Variants in UNC79 observed in about 807,000 individuals in gnomAD.
The protein encoded by UNC79 is protein unc-79 homolog.
A neutral mutation model predicts 283.1 loss-of-function variants in UNC79; 37 were observed. The ratio of observed to expected loss-of-function variants is 0.13; its 90% CI spans 0.10 to 0.17. UNC79 has a LOEUF of 0.17. UNC79 is among the 10% of genes least tolerant of loss of function. The probability of loss-of-function intolerance (pLI) is 1.00; values close to 1 mark genes in which losing one functional copy is unlikely to be tolerated. For missense variants in UNC79, 2,272 were observed against 3,211.1 expected (o/e 0.71, Z 7.07); for synonymous variants, 1,107 against 1,200.2 (o/e 0.92, Z 1.61).
At chr14:93,667,654 GA>G (rs2072364576) in intron 40 of UNC79, among the ~76,000 whole-genome samples, 1 of 151,804 alleles carries the variant, frequency 6.6e-6, no homozygotes, top group Non-Finnish European at 1.5e-5. Flanking sequence ...TAATAGAATA[GA>G]AAAAAAGGAA....
chr14:93,407,515 A>G (rs2055250462), intron 1 of UNC79, among the ~76,000 whole-genome samples: 1 of 152,136 alleles, frequency 6.6e-6, no homozygotes, highest in African/African-American at 2.4e-5. Flanking sequence ...GCTGAGAAAA[A>G]TCTCATGCCT....
At chr14:93,700,926 G>A (rs776690332) in intron 47 of UNC79, among the ~76,000 whole-genome samples, 1 of 152,140 alleles carries the variant, frequency 6.6e-6, no homozygotes, top group Admixed American at 6.6e-5. Flanking sequence ...CCAGTGTTGG[G>A]TAGTTTTTAT....
chr14:93,690,400 T>A lies in UNC79; in HGVS notation c.7272+97T>A. On this transcript the variant is annotated intron_variant, in intron 45 of 48. Transcript: ENST00000555664. This position sits in a 1 kb window ranked among gnomAD's most constrained non-coding sequence, Gnocchi z 4.3. ...TTTCTTCTGAGAAGAAAATACATCT[T>A]ATCATTTGCCCTCCTGTGGATGTTA... 1 of 1,381,428 alleles carries A rather than the reference T, an allele frequency of 7.2e-7. No homozygotes were observed. The highest frequency in any genetic ancestry group is 1.4e-5 in the South Asian group (1 of 70,506). 85.6% of individuals were successfully genotyped at this position (1,381,428 alleles called of 1,614,324 possible).
intron 41 of UNC79, among the ~76,000 whole-genome samples, chr14:93,673,680 T>G (rs2073086400): frequency 6.6e-6 from 1 of 152,074 alleles, no homozygotes; most frequent in South Asian, 2.1e-4. Flanking sequence ...GTGGAATTAG[T>G]TCTGTGGGGG....
At chr14:93,580,773 A>G (rs2063750334) in intron 19 of UNC79, among the ~76,000 whole-genome samples, 1 of 152,098 alleles carries the variant, frequency 6.6e-6, no homozygotes, top group Non-Finnish European at 1.5e-5. Flanking sequence ...TAGCTTGATC[A>G]TGGCTCACTG....
intron 5 of UNC79, among the ~76,000 whole-genome samples, chr14:93,489,757 C>G (rs1289725710): frequency 6.6e-6 from 1 of 152,210 alleles, no homozygotes; most frequent in Non-Finnish European, 1.5e-5. Context: ...GTTGGGCCCC[C>G]AAGACCCTGC....
intron 14 of UNC79, among the ~76,000 whole-genome samples, chr14:93,561,533 G>A (rs2062553172): frequency 6.6e-6 from 1 of 152,066 alleles, no homozygotes; most frequent in Admixed American, 6.6e-5. Flanking sequence ...GGAGGAAAGG[G>A]AAATGCAAAG....
At chr14:93,653,288 C>T (rs2070509517) in intron 35 of UNC79, among the ~76,000 whole-genome samples, 1 of 151,488 alleles carries the variant, frequency 6.6e-6, no homozygotes, top group Non-Finnish European at 1.5e-5. Flanking sequence ...AAACTTCCCA[C>T]ATCTCCTAAT....
intron 48 of UNC79, 61 bp from the exon 52 acceptor site, chr14:93,706,643 G>A (rs1250314455): frequency 1.3e-5 from 21 of 1,593,682 alleles, no homozygotes; most frequent in East Asian, 6.7e-5. Flanking sequence ...CGCCCGGGTC[G>A]ACACTCCCTG....
intron 39 of UNC79, 33 bp from the exon 43 acceptor site, chr14:93,662,571 A>C (rs1165069813): frequency 7.2e-7 from 1 of 1,381,890 alleles, no homozygotes; most frequent in Admixed American, 1.8e-5. Flanking sequence ...AGTAATCAGC[A>C]ATTGACTTTA....
At chr14:93,496,569 A>G (rs2059022385) in intron 6 of UNC79, 103 bp downstream of exon 6, 4 of 688,842 alleles carry the variant, frequency 5.8e-6, no homozygotes, top group Non-Finnish European at 9.0e-6. Context: ...AAATTTATTG[A>G]CGTCCTATTA....
At position 93,658,140 on chromosome 14, in the gene UNC79, G is replaced by A. The variant is rs554848896; in HGVS notation, c.6457-1053G>A. Reference sequence around the variant, plus strand: ...CAAAATCTGTGTAAGAATTTCTCCCGCTAGGGCAGATCTGGGCACTGCCCC... The same window carrying A: ...CAAAATCTGTGTAAGAATTTCTCCCACTAGGGCAGATCTGGGCACTGCCCC... On this transcript the variant is annotated intron_variant, in intron 38 of 48. Transcript: ENST00000555664. 2.1e-3 allele frequency among the ~76,000 whole-genome samples: 327 copies of A among 152,266 alleles called. 3 individuals are homozygous for A. Among genetic ancestry groups the A allele is most frequent in the African/African-American group, 7.5e-3 (311 of 41,554 alleles).
intron 4 of UNC79, among the ~76,000 whole-genome samples, chr14:93,485,198 GTATATATATGTGTATA>G (rs980997676): frequency 2.2e-5 from 3 of 135,092 alleles, no homozygotes; most frequent in African/African-American, 5.3e-5. Flanking sequence ...ATATATATGT[GTATATATATGTGTATA>G]TATATATATG....
chr14:93,333,571 T>C, intron 1 of UNC79: 1 of 396,468 alleles, frequency 2.5e-6, no homozygotes. Context: ...CCTTGCTACT[T>C]GTGTAGTAGG....
intron 30 of UNC79, among the ~76,000 whole-genome samples, chr14:93,624,969 C>T (rs1268523613): frequency 6.6e-6 from 1 of 152,218 alleles, no homozygotes; most frequent in Non-Finnish European, 1.5e-5. Context: ...CCCTAGAGTA[C>T]TGGGTCGTCC....
At chr14:93,396,381 A>G (rs575534815) in intron 1 of UNC79, among the ~76,000 whole-genome samples, 3 of 152,264 alleles carry the variant, frequency 2.0e-5, no homozygotes, top group Non-Finnish European at 4.4e-5. Flanking sequence ...AAAATAGATT[A>G]TTGAAGTCTT....
intron 2 of UNC79, among the ~76,000 whole-genome samples, chr14:93,471,650 C>G (rs996661): frequency 0.53 from 79,942 of 151,776 alleles, 21,477 homozygotes; most frequent in Admixed American, 0.63. Context: ...TTCATGAGCC[C>G]TTCTTAAGTT....
chr14:93,429,965 G>A (rs1011896861), upstream of UNC79, among the ~76,000 whole-genome samples: 1 of 152,168 alleles, frequency 6.6e-6, no homozygotes, highest in African/African-American at 2.4e-5. Flanking sequence ...GTAAAAGTGG[G>A]TCTTGAATCT....
chr14:93,405,450 C>T (rs1252843926), intron 1 of UNC79, among the ~76,000 whole-genome samples: 3 of 151,866 alleles, frequency 2.0e-5, no homozygotes, highest in Admixed American at 1.3e-4. Context: ...CTAAGTCAAG[C>T]ATATAAAAAA....
Sources: gnomAD v4.1 joint callset for allele counts (sites outside exome capture counted in the v4.1 genomes callset) on GRCh38, gnomAD v4.1.1 for gene constraint, Gnocchi (gnomAD v3.1) non-coding constraint, MANE v1.5 for transcripts, NCBI Gene and HGNC (gene_info 2026-07-23, HGNC 2026-07-21) for gene names.